CNTN4: variants seen among roughly 807,000 people sequenced by gnomAD.
CNTN4 encodes contactin-4.
Under a neutral mutation model 122.5 loss-of-function variants are expected in CNTN4, and 77 were observed. That is an observed-to-expected ratio of 0.63 (90% CI 0.52 to 0.76). The LOEUF (loss-of-function observed/expected upper bound fraction) is 0.76, where lower values mean the gene tolerates loss of function less well. CNTN4 is among the 30% of genes least tolerant of loss of function. CNTN4 has a pLI of 0.00. For synonymous variants in CNTN4, 512 were observed against 447.0 expected (o/e 1.15, Z -1.83); for missense variants, 1,256 against 1,259.1 (o/e 1.00, Z 0.04).
chr3:2,685,732 T>C (rs542927792), intron 4 of CNTN4, among the ~76,000 whole-genome samples: 2 of 152,298 alleles, frequency 1.3e-5, no homozygotes, highest in South Asian at 4.1e-4. Context: ...CACTTATCTG[T>C]TTTTCCTTGC....
Position 3,043,108 on chromosome 3 carries a change from T to C in CNTN4, c.2643T>C (p.Asn881=). 1 of 1,614,196 alleles carries C rather than the reference T, an allele frequency of 6.2e-7. No homozygotes were observed. The highest frequency in any genetic ancestry group is 8.5e-7 in the Non-Finnish European group (1 of 1,180,038). Residue 881 remains asparagine, a synonymous_variant, in exon 22 of 25, where the codon AAT becomes AAC. Coordinates refer to ENST00000418658, the MANE Select transcript of CNTN4 (RefSeq NM_175607.3). The stretch of plus-strand genomic sequence containing the variant: ...ATCACTTAGCTGTCAAGGCATATAA[T>C]TCTGCTGGGACAGGCCCCTCTAGTG... ...VLYHLAVKAY[N]SAGTGPSSAT...
chr3:2,243,004 T>C (rs1357526803), intron 2 of CNTN4, among the ~76,000 whole-genome samples: 1 of 152,134 alleles, frequency 6.6e-6, no homozygotes, highest in East Asian at 1.9e-4. Context: ...CTGACTTGCT[T>C]AGCCTGGTAT....
chr3:2,430,577 T>G (rs2048029925), intron 3 of CNTN4, among the ~76,000 whole-genome samples: 2 of 151,006 alleles, frequency 1.3e-5, no homozygotes, highest in Admixed American at 1.3e-4. Context: ...TTAATAAATT[T>G]TTTGTTTGCT....
intron 3 of CNTN4, among the ~76,000 whole-genome samples, chr3:2,521,183 A>C (rs1479194210): frequency 6.6e-6 from 1 of 152,060 alleles, no homozygotes; most frequent in Non-Finnish European, 1.5e-5. Context: ...AGTTTTTCAG[A>C]TATTTTTGTG....
intron 5 of CNTN4, among the ~76,000 whole-genome samples, chr3:2,739,584 C>G (rs1240484194): frequency 6.7e-6 from 1 of 149,066 alleles, no homozygotes; most frequent in Non-Finnish European, 1.5e-5. Flanking sequence ...AGTGGTTGTT[C>G]AAGGTATAGA....
At chr3:2,740,911 T>C (rs2089421867) in intron 5 of CNTN4, among the ~76,000 whole-genome samples, 1 of 152,236 alleles carries the variant, frequency 6.6e-6, no homozygotes, top group Non-Finnish European at 1.5e-5. Flanking sequence ...AACATATTCA[T>C]TATTCATCCT....
Position 2,706,168 on chromosome 3 carries a change from C to T in CNTN4, c.56-30047C>T, listed in dbSNP as rs114929557. On this transcript the variant is annotated intron_variant, in intron 4 of 24. Transcript: ENST00000418658. The stretch of plus-strand genomic sequence containing the variant: ...ACTACAGAAAATCATTTTTAAAATA[C>T]GCTTTATAGAATAGGGGGAAAACCC... 5.7e-3 allele frequency among the ~76,000 whole-genome samples: 857 copies of T among 151,082 alleles called. 5 individuals are homozygous for T. The highest frequency in any genetic ancestry group is 0.02 in the African/African-American group (804 of 41,206).
At chr3:2,317,867 C>T (rs1042999126) in intron 2 of CNTN4, among the ~76,000 whole-genome samples, 2 of 152,070 alleles carry the variant, frequency 1.3e-5, no homozygotes, top group Admixed American at 6.6e-5. Flanking sequence ...AGAAGACTAA[C>T]GTCGTTTGAA....
intron 7 of CNTN4, among the ~76,000 whole-genome samples, chr3:2,852,866 T>G (rs2093569411): frequency 6.6e-6 from 1 of 152,232 alleles, no homozygotes; most frequent in Non-Finnish European, 1.5e-5. Context: ...AGATGCCCAC[T>G]TTTTTCCTTT....
chr3:2,354,980 A>G (rs995498270), intron 3 of CNTN4, among the ~76,000 whole-genome samples: 9 of 152,342 alleles, frequency 5.9e-5, no homozygotes, highest in Admixed American at 2.0e-4. Flanking sequence ...AGTTGGGAGA[A>G]TAAGTGAGTC....
intron 4 of CNTN4, among the ~76,000 whole-genome samples, chr3:2,634,706 G>A (rs6795432): frequency 0.2 from 27,059 of 133,560 alleles, 2,659 homozygotes; most frequent in African/African-American, 0.3. Flanking sequence ...ATATATATAT[G>A]TTAGCTGGGC....
At position 2,866,786 on chromosome 3, in the gene CNTN4, T is replaced by C; in HGVS notation, c.489T>C (p.Pro163=). 1 of 1,614,046 alleles carries C rather than the reference T, an allele frequency of 6.2e-7. No homozygotes were observed. ...LSYAWIFNEY[P]SYQDNRRFVS... ...ATGCCTGGATCTTCAATGAATACCC[T>C]TCCTATCAGGATAATCGCCGCTTTG... Residue 163 remains proline, a synonymous_variant, in exon 8 of 25, where the codon CCT becomes CCC. Transcript: ENST00000418658.
intron 14 of CNTN4, among the ~76,000 whole-genome samples, chr3:3,023,410 C>T (rs1375239096): frequency 6.6e-6 from 1 of 152,164 alleles, no homozygotes; most frequent in East Asian, 1.9e-4. Flanking sequence ...GCTTAAAAGA[C>T]AGCTAAGTTT....
At chr3:2,785,098 C>A (rs1365235581) in intron 6 of CNTN4, among the ~76,000 whole-genome samples, 3 of 149,094 alleles carry the variant, frequency 2.0e-5, no homozygotes, top group Non-Finnish European at 3.0e-5. Flanking sequence ...TATATAAGTA[C>A]ACATTTGTAC....
chr3:2,345,303 AGT>A (rs1406559209), intron 3 of CNTN4, among the ~76,000 whole-genome samples: 3 of 152,078 alleles, frequency 2.0e-5, no homozygotes, highest in African/African-American at 4.8e-5. Flanking sequence ...TTTTTTAAAA[AGT>A]TTGTTTTTGG....
intron 2 of CNTN4, among the ~76,000 whole-genome samples, chr3:2,163,924 G>A (rs2036073261): frequency 6.6e-6 from 1 of 152,166 alleles, no homozygotes; most frequent in South Asian, 2.1e-4. Flanking sequence ...AACCACTGTG[G>A]AAAACAGTAT....
intron 6 of CNTN4, among the ~76,000 whole-genome samples, chr3:2,812,550 T>C (rs2092637657): frequency 6.7e-6 from 1 of 149,046 alleles, no homozygotes; most frequent in East Asian, 1.9e-4. Flanking sequence ...TCTTATCAGG[T>C]TTGTTTTTTT....
At chr3:2,137,790 A>T (rs1352800792) in intron 2 of CNTN4, among the ~76,000 whole-genome samples, 3 of 152,224 alleles carry the variant, frequency 2.0e-5, no homozygotes, top group Non-Finnish European at 1.5e-5. Context: ...GACAAAGCCA[A>T]AGCGGGCCAG....
chr3:2,322,810 G>C (rs1379409623), intron 2 of CNTN4, among the ~76,000 whole-genome samples: 1 of 152,086 alleles, frequency 6.6e-6, no homozygotes, highest in African/African-American at 2.4e-5. Context: ...CTTTTATTGA[G>C]CAACTAGCTG....
Sources: allele counts gnomAD v4.1 joint callset (sites outside exome capture counted in the v4.1 genomes callset), GRCh38; gene constraint gnomAD v4.1.1; transcripts MANE v1.5; gene names NCBI Gene and HGNC (gene_info 2026-07-23, HGNC 2026-07-21).